PTPRG: variants seen among roughly 807,000 people sequenced by gnomAD.
The protein encoded by PTPRG is protein tyrosine phosphatase receptor type G, also known as receptor-type tyrosine-protein phosphatase gamma.
PTPRG carries 102 observed loss-of-function variants against 165.3 expected under a neutral mutation model. The observed-to-expected ratio is 0.62, with a 90% CI of 0.53 to 0.73. The LOEUF (loss-of-function observed/expected upper bound fraction) is 0.73, where lower values mean the gene tolerates loss of function less well. Ranked by LOEUF, PTPRG falls within the 30% of genes least tolerant of loss-of-function variation. The pLI is 0.00. For synonymous variants in PTPRG, 675 were observed against 669.5 expected (o/e 1.01, Z -0.13); for missense variants, 1,866 against 1,861.4 (o/e 1.00, Z -0.05).
At chr3:61,948,460 A>G (rs1347173572) in intron 2 of PTPRG, among the ~76,000 whole-genome samples, 5 of 152,202 alleles carry the variant, frequency 3.3e-5, no homozygotes, top group Non-Finnish European at 5.9e-5. Flanking sequence ...GTAGTGCACC[A>G]AACACCTCAA....
At chr3:61,817,132 TA>T (rs2035802074) in intron 2 of PTPRG, among the ~76,000 whole-genome samples, 1 of 130,360 alleles carries the variant, frequency 7.7e-6, no homozygotes, top group African/African-American at 2.9e-5. Flanking sequence ...GTATTACACA[TA>T]ATACATATAT....
chr3:62,264,364 C>T (rs998124057), intron 17 of PTPRG, among the ~76,000 whole-genome samples: 2 of 151,930 alleles, frequency 1.3e-5, no homozygotes, highest in Non-Finnish European at 2.9e-5. Context: ...TTAGTATATT[C>T]ACGGAGTTGT....
intron 4 of PTPRG, among the ~76,000 whole-genome samples, chr3:62,041,794 GAT>G (rs1320648476): frequency 6.6e-6 from 1 of 152,136 alleles, no homozygotes; most frequent in Non-Finnish European, 1.5e-5. Flanking sequence ...TGATGGTGCA[GAT>G]ATGGACTTTG....
At chr3:61,682,465 T>C (rs541062502) in intron 1 of PTPRG, among the ~76,000 whole-genome samples, 2 of 152,198 alleles carry the variant, frequency 1.3e-5, no homozygotes, top group South Asian at 4.1e-4. Context: ...AGGCATTTGT[T>C]GTAAAGTTAA....
chr3:62,290,027 G>A (rs1702822811), intron 28 of PTPRG, among the ~76,000 whole-genome samples: 1 of 151,964 alleles, frequency 6.6e-6, no homozygotes, highest in South Asian at 2.1e-4. Context: ...TGTTTGACCG[G>A]ATACAATTTC....
At chr3:61,885,904 G>A (rs2038023479) in intron 2 of PTPRG, among the ~76,000 whole-genome samples, 1 of 150,398 alleles carries the variant, frequency 6.6e-6, no homozygotes, top group Non-Finnish European at 1.5e-5. Flanking sequence ...GGGGTAGGTA[G>A]GGTAGATTCT....
chr3:62,025,857 C>T (rs533904632), intron 4 of PTPRG, among the ~76,000 whole-genome samples: 1 of 152,268 alleles, frequency 6.6e-6, no homozygotes, highest in East Asian at 1.9e-4. Context: ...GGCTTCCTTA[C>T]GAATTGGCTT....
intron 2 of PTPRG, among the ~76,000 whole-genome samples, chr3:61,964,720 G>A (rs1367678261): frequency 1.3e-5 from 2 of 151,992 alleles, no homozygotes; most frequent in African/African-American, 4.8e-5. Flanking sequence ...TCCTTGTGTC[G>A]TGGTTTTACA....
chr3:62,267,532 T>G (rs764959619), intron 18 of PTPRG, 40 bp downstream of exon 18: 4 of 1,561,036 alleles, frequency 2.6e-6, no homozygotes, highest in Non-Finnish European at 3.5e-6. Context: ...TTCTAGAAAT[T>G]GAAGACTGCA....
At chr3:61,752,801 A>AAAAAAAAAAAT in intron 2 of PTPRG, among the ~76,000 whole-genome samples, 1 of 121,044 alleles carries the variant, frequency 8.3e-6, no homozygotes, top group South Asian at 2.7e-4. Flanking sequence ...AAAAAAAAAA[A>AAAAAAAAAAAT]GAAAAAAAAA....
chr3:62,044,608 A>C (rs986825783), intron 4 of PTPRG, among the ~76,000 whole-genome samples: 1 of 152,212 alleles, frequency 6.6e-6, no homozygotes, highest in Non-Finnish European at 1.5e-5. Context: ...TAAATGAGCT[A>C]TTGTATTTAA....
chr3:61,608,540 T>A (rs1701076992), intron 1 of PTPRG, among the ~76,000 whole-genome samples: 1 of 152,152 alleles, frequency 6.6e-6, no homozygotes. Context: ...GCCATCCTGC[T>A]GCCAGCCTGA....
intron 2 of PTPRG, among the ~76,000 whole-genome samples, chr3:61,813,019 C>A (rs1029538861): frequency 1.3e-5 from 2 of 149,102 alleles, no homozygotes; most frequent in Non-Finnish European, 3.0e-5. Flanking sequence ...GTGTAGATCA[C>A]CTGAAACTGT....
intron 1 of PTPRG, among the ~76,000 whole-genome samples, chr3:61,661,221 T>C (rs1559545171): frequency 6.6e-6 from 1 of 152,212 alleles, no homozygotes; most frequent in East Asian, 1.9e-4. Context: ...TACAAGTGCA[T>C]GCCACTAGCC....
At chr3:61,866,475 C>T (rs1414698186) in intron 2 of PTPRG, among the ~76,000 whole-genome samples, 1 of 151,790 alleles carries the variant, frequency 6.6e-6, no homozygotes, top group African/African-American at 2.4e-5. Context: ...AGGGCAAGTC[C>T]CCATTCTAGA....
intron 2 of PTPRG, among the ~76,000 whole-genome samples, chr3:61,959,552 C>T (rs867870117): frequency 2.4e-4 from 37 of 152,298 alleles, no homozygotes; most frequent in South Asian, 1.7e-3. Context: ...AATGCTGAAT[C>T]CTGCTGAGTG....
intron 1 of PTPRG, among the ~76,000 whole-genome samples, chr3:61,663,314 C>G (rs1702718070): frequency 6.6e-6 from 1 of 152,192 alleles, no homozygotes; most frequent in African/African-American, 2.4e-5. Context: ...CCTGGTGTCA[C>G]AGAACGTGGA....
intron 1 of PTPRG, among the ~76,000 whole-genome samples, chr3:61,714,839 A>G (rs2031734645): frequency 6.6e-6 from 1 of 152,198 alleles, no homozygotes; most frequent in Admixed American, 6.5e-5. Context: ...AGTTACAAGA[A>G]GTATCTTGTT....
Position 62,214,372 on chromosome 3 carries a change from A to G in PTPRG, c.2156-4479A>G. 6.6e-6 allele frequency among the ~76,000 whole-genome samples: 1 copy of G among 152,232 alleles called. No homozygotes were observed. Among genetic ancestry groups the G allele is most frequent in the Non-Finnish European group, 1.5e-5 (1 of 68,036 alleles). On this transcript the variant is annotated intron_variant, in intron 12 of 29. Transcript: ENST00000474889. This position sits in a 1 kb window ranked among gnomAD's most constrained non-coding sequence, Gnocchi z 5.2. ...GATGACAATAATCACAATAGTTAACATTAACCAGGTGCCAGGCAACATTCT... is the reference window on the plus strand; with the variant it reads ...GATGACAATAATCACAATAGTTAACGTTAACCAGGTGCCAGGCAACATTCT...
Sources: allele counts gnomAD v4.1 joint callset (sites outside exome capture counted in the v4.1 genomes callset), GRCh38; gene constraint gnomAD v4.1.1; non-coding constraint Gnocchi (gnomAD v3.1); transcripts MANE v1.5; gene names NCBI Gene and HGNC (gene_info 2026-07-23, HGNC 2026-07-21).